MGAT4C: variants seen among roughly 807,000 people sequenced by gnomAD.
MGAT4C encodes the protein alpha-1,3-mannosyl-glycoprotein 4-beta-N-acetylglucosaminyltransferase C.
Under a neutral mutation model 40.1 loss-of-function variants are expected in MGAT4C, and 19 were observed. The observed-to-expected ratio is 0.47, with a 90% confidence interval of 0.33 to 0.70. The LOEUF (loss-of-function observed/expected upper bound fraction) is 0.70. Among genes scored for constraint, MGAT4C ranks in the 30% least tolerant of loss-of-function variants. MGAT4C has a pLI of 0.02. For synonymous variants in MGAT4C, 181 were observed against 187.1 expected, an observed-to-expected ratio of 0.97 and a Z score of 0.27; for missense variants, 491 against 563.2, an observed-to-expected ratio of 0.87 and a Z score of 1.30.
intron 2 of MGAT4C, among the ~76,000 whole-genome samples, chr12:86,603,554 A>ATATACTATC (rs1961899577): frequency 1.9e-4 from 20 of 106,690 alleles, no homozygotes; most frequent in Non-Finnish European, 2.5e-4. Flanking sequence ...TATAGATAAT[A>ATATACTATC]TATAGTCTAT....
At chr12:86,516,252 A>G (rs1958686264) in intron 2 of MGAT4C, among the ~76,000 whole-genome samples, 1 of 152,234 alleles carries the variant, frequency 6.6e-6, no homozygotes, top group South Asian at 2.1e-4. Context: ...TAGGATAGAC[A>G]TAAAACTATG....
At chr12:86,595,687 G>A (rs1961510846) in intron 2 of MGAT4C, among the ~76,000 whole-genome samples, 1 of 152,108 alleles carries the variant, frequency 6.6e-6, no homozygotes, top group South Asian at 2.1e-4. Context: ...ATTACTCCTG[G>A]TTAAATGAAT....
At chr12:86,620,654 A>G (rs997545742) in intron 2 of MGAT4C, among the ~76,000 whole-genome samples, 12 of 152,176 alleles carry the variant, frequency 7.9e-5, no homozygotes, top group Non-Finnish European at 1.6e-4. Context: ...CCATACTTCA[A>G]CACTACATAG....
At chr12:86,460,943 T>A (rs570257437) in intron 2 of MGAT4C, among the ~76,000 whole-genome samples, 2 of 152,136 alleles carry the variant, frequency 1.3e-5, no homozygotes, top group Non-Finnish European at 2.9e-5. Flanking sequence ...GAGGGAAACA[T>A]GTTACCTTAA....
intron 2 of MGAT4C, among the ~76,000 whole-genome samples, chr12:86,689,287 C>A (rs541616145): frequency 1.8e-4 from 28 of 152,132 alleles, no homozygotes; most frequent in African/African-American, 6.8e-4. Context: ...TGGGTTAGAA[C>A]ACGCTCCTTT....
At chr12:86,061,669 A>G (rs1016252641) in intron 1 of MGAT4C, among the ~76,000 whole-genome samples, 2 of 152,038 alleles carry the variant, frequency 1.3e-5, no homozygotes, top group African/African-American at 4.8e-5. Flanking sequence ...TCAACCTGGG[A>G]TGCTCGAGCT....
intron 1 of MGAT4C, among the ~76,000 whole-genome samples, chr12:86,740,338 T>G (rs1433026054): frequency 6.6e-6 from 1 of 151,144 alleles, no homozygotes; most frequent in Non-Finnish European, 1.5e-5. Flanking sequence ...TTATAATGCT[T>G]TTTGCTTTCT....
chr12:86,260,429 T>C (rs1952635282), upstream of MGAT4C, among the ~76,000 whole-genome samples: 1 of 152,180 alleles, frequency 6.6e-6, no homozygotes, highest in Non-Finnish European at 1.5e-5. Flanking sequence ...AGCCATACCC[T>C]GATAGGCAGA....
chr12:86,644,729 T>C (rs1456143585), intron 2 of MGAT4C, among the ~76,000 whole-genome samples: 1 of 151,696 alleles, frequency 6.6e-6, no homozygotes, highest in African/African-American at 2.4e-5. Flanking sequence ...ACAATGAAAA[T>C]ATATGAATAG....
intron 1 of MGAT4C, among the ~76,000 whole-genome samples, chr12:86,729,006 A>G (rs1034924458): frequency 6.6e-5 from 10 of 152,222 alleles, no homozygotes; most frequent in Admixed American, 6.5e-5. Context: ...TTCTGCACTT[A>G]ACTATAACTC....
chr12:86,636,974 T>C (rs1261051816), intron 2 of MGAT4C, among the ~76,000 whole-genome samples: 2 of 151,938 alleles, frequency 1.3e-5, no homozygotes, highest in Non-Finnish European at 2.9e-5. Flanking sequence ...GTGTTGGTCA[T>C]TATTAAGGGT....
chr12:86,801,351 TG>T (rs1462884347), intron 1 of MGAT4C, among the ~76,000 whole-genome samples: 1 of 151,808 alleles, frequency 6.6e-6, no homozygotes, highest in African/African-American at 2.4e-5. Context: ...GTGTTGAGAA[TG>T]TGTGTGATTT....
chr12:86,057,153 A>G (rs143690138), intron 1 of MGAT4C, among the ~76,000 whole-genome samples: 33 of 152,214 alleles, frequency 2.2e-4, no homozygotes, highest in African/African-American at 7.7e-4. Flanking sequence ...TATTTCTAAA[A>G]TTATGTAAAC....
At chr12:86,206,531 A>AT (rs933913621) in intron 1 of MGAT4C, among the ~76,000 whole-genome samples, 76 of 151,972 alleles carry the variant, frequency 5.0e-4, no homozygotes, top group African/African-American at 1.8e-3. Context: ...AAACCTACTG[A>AT]TTTTTTTTGT....
chr12:86,818,557 T>C (rs1036791144), intron 1 of MGAT4C, among the ~76,000 whole-genome samples: 1 of 151,072 alleles, frequency 6.6e-6, no homozygotes, highest in African/African-American at 2.4e-5. Flanking sequence ...ATTAAGGTGA[T>C]TCTAGAATTG....
intron 1 of MGAT4C, among the ~76,000 whole-genome samples, chr12:86,102,328 T>C (rs1432746250): frequency 1.3e-5 from 2 of 152,040 alleles, no homozygotes; most frequent in South Asian, 2.1e-4. Flanking sequence ...TCTAGTGATC[T>C]TAAGTATTTC....
At chr12:86,454,198 T>C (rs6538041) in intron 2 of MGAT4C, among the ~76,000 whole-genome samples, 151,713 of 152,280 alleles carry the variant, frequency 1, 75,574 homozygotes, top group Middle Eastern at 1. Context: ...AATCAGACAA[T>C]TATTGATATG....
At chr12:86,130,354 C>G (rs140690188) in intron 1 of MGAT4C, among the ~76,000 whole-genome samples, 17 of 151,976 alleles carry the variant, frequency 1.1e-4, no homozygotes, top group African/African-American at 4.1e-4. Context: ...TATTTCCATG[C>G]CAAATGTAAT....
At chr12:86,804,840 A>C (rs1477828778) in intron 1 of MGAT4C, among the ~76,000 whole-genome samples, 1 of 151,240 alleles carries the variant, frequency 6.6e-6, no homozygotes, top group Non-Finnish European at 1.5e-5. Context: ...CACAATGTTT[A>C]CTTCTTTAGA....
Sources: gnomAD v4.1 joint callset for allele counts (sites outside exome capture counted in the v4.1 genomes callset) on GRCh38, gnomAD v4.1.1 for gene constraint, MANE v1.5 for transcripts, NCBI Gene and HGNC (gene_info 2026-07-23, HGNC 2026-07-21) for gene names.